Variants in RBFOX1 observed in about 807,000 individuals in gnomAD.
RBFOX1 encodes the protein RNA binding protein fox-1 homolog 1.
In RBFOX1, 8 loss-of-function variants were observed where a neutral mutation model predicts 57.7. The ratio of observed to expected loss-of-function variants is 0.14; its 90% CI spans 0.08 to 0.25. RBFOX1 has a LOEUF of 0.25. Among genes scored for constraint, RBFOX1 ranks in the 10% least tolerant of loss-of-function variants. RBFOX1 has a pLI of 1.00. For missense variants in RBFOX1, 611 were observed against 548.5 expected (o/e 1.11, Z -1.14); for synonymous variants, 326 against 222.4 (o/e 1.47, Z -4.15).
intron 14 of RBFOX1, among the ~76,000 whole-genome samples, chr16:7,681,598 G>A (rs748245329): frequency 7.9e-5 from 12 of 152,110 alleles, no homozygotes; most frequent in Non-Finnish European, 1.5e-4. Context: ...TTAAGGAATT[G>A]TCAGCATATA....
intron 3 of RBFOX1, among the ~76,000 whole-genome samples, chr16:6,657,272 T>A (rs144301736): frequency 2.6e-5 from 4 of 152,246 alleles, no homozygotes; most frequent in Non-Finnish European, 4.4e-5. Flanking sequence ...GTGAATCTTA[T>A]ACTCACGCTA....
intron 3 of RBFOX1, among the ~76,000 whole-genome samples, chr16:5,619,951 A>G (rs1395731747): frequency 6.6e-6 from 1 of 151,720 alleles, no homozygotes; most frequent in African/African-American, 2.4e-5. Flanking sequence ...TGTTTTATTA[A>G]ATCTCTGTGC....
intron 2 of RBFOX1, among the ~76,000 whole-genome samples, chr16:6,516,624 T>C (rs1318280938): frequency 2.0e-5 from 3 of 152,224 alleles, no homozygotes; most frequent in Non-Finnish European, 2.9e-5. Flanking sequence ...AAAAATACTT[T>C]TTTATTGAAT....
intron 2 of RBFOX1, among the ~76,000 whole-genome samples, chr16:5,574,326 A>G (rs749873199): frequency 6.6e-6 from 1 of 152,132 alleles, no homozygotes; most frequent in South Asian, 2.1e-4. Context: ...GTAGCCTCCT[A>G]ACTCTCTGTA....
intron 4 of RBFOX1, among the ~76,000 whole-genome samples, chr16:7,170,940 A>T (rs2080567649): frequency 6.6e-6 from 1 of 152,096 alleles, no homozygotes; most frequent in African/African-American, 2.4e-5. Flanking sequence ...TTATGACTTT[A>T]TTTGTATATC....
intron 4 of RBFOX1, among the ~76,000 whole-genome samples, chr16:7,302,800 C>G (rs560182587): frequency 2.1e-5 from 3 of 145,620 alleles, no homozygotes; most frequent in African/African-American, 7.6e-5. Flanking sequence ...TATTTTCTTT[C>G]GATTTGCAGA....
At chr16:5,973,606 A>T (rs749018620) in intron 4 of RBFOX1, among the ~76,000 whole-genome samples, 1 of 152,228 alleles carries the variant, frequency 6.6e-6, no homozygotes, top group South Asian at 2.1e-4. Context: ...TGACTAGGCC[A>T]TGGGGTGCCC....
At chr16:7,584,468 T>A (rs1181490591) in intron 6 of RBFOX1, among the ~76,000 whole-genome samples, 1 of 152,136 alleles carries the variant, frequency 6.6e-6, no homozygotes, top group Non-Finnish European at 1.5e-5. Flanking sequence ...AATTTTTACA[T>A]TTTTAGTAGA....
chr16:7,006,616 G>T (rs1262028384), intron 3 of RBFOX1, among the ~76,000 whole-genome samples: 1 of 151,984 alleles, frequency 6.6e-6, no homozygotes, highest in Non-Finnish European at 1.5e-5. Flanking sequence ...CACCTGGCTT[G>T]GTTTCGGGTT....
At chr16:6,614,672 T>C (rs952499382) in intron 2 of RBFOX1, among the ~76,000 whole-genome samples, 1 of 152,158 alleles carries the variant, frequency 6.6e-6, no homozygotes, top group Non-Finnish European at 1.5e-5. Context: ...CCTAGTGATT[T>C]GCCCCACAGT....
intron 3 of RBFOX1, among the ~76,000 whole-genome samples, chr16:6,768,598 T>C (rs1411109385): frequency 6.6e-6 from 1 of 151,858 alleles, no homozygotes. Flanking sequence ...TAAATACACA[T>C]CTACAAACAT....
intron 3 of RBFOX1, among the ~76,000 whole-genome samples, chr16:5,669,065 T>C (rs2049937662): frequency 6.6e-6 from 1 of 152,172 alleles, no homozygotes; most frequent in African/African-American, 2.4e-5. Context: ...GGCACTTGGA[T>C]AGCACCCCAA....
chr16:7,029,422 CTT>C (rs1238680349), intron 3 of RBFOX1, among the ~76,000 whole-genome samples: 1 of 151,498 alleles, frequency 6.6e-6, no homozygotes, highest in Admixed American at 6.6e-5. Context: ...TTCTTTTGCT[CTT>C]GTCTTCTCTG....
At chr16:6,013,877 C>G (rs777901195) in intron 4 of RBFOX1, among the ~76,000 whole-genome samples, 49 of 150,930 alleles carry the variant, frequency 3.2e-4, no homozygotes, top group African/African-American at 1.0e-3. Context: ...AAAACAAACA[C>G]CGCATGTTTT....
At chr16:6,995,290 TTGTG>T (rs57039390) in intron 3 of RBFOX1, among the ~76,000 whole-genome samples, 1,774 of 138,384 alleles carry the variant, frequency 0.013, 16 homozygotes, top group East Asian at 0.039. Flanking sequence ...GAAAGTAGCC[TTGTG>T]TGTGTGTGTG....
At chr16:5,672,329 C>T (rs541928084) in intron 3 of RBFOX1, among the ~76,000 whole-genome samples, 2 of 152,130 alleles carry the variant, frequency 1.3e-5, no homozygotes, top group Admixed American at 6.5e-5. Flanking sequence ...TGCCATGTGT[C>T]AGGAGGGCTC....
intron 2 of RBFOX1, among the ~76,000 whole-genome samples, chr16:5,545,008 G>A (rs141326620): frequency 0.02 from 2,631 of 132,098 alleles, 52 homozygotes; most frequent in Non-Finnish European, 0.028. Context: ...ACGGAGTCTC[G>A]CTCTGTCTTC....
intron 4 of RBFOX1, among the ~76,000 whole-genome samples, chr16:7,474,674 C>G (rs978348112): frequency 3.3e-5 from 5 of 152,218 alleles, no homozygotes; most frequent in African/African-American, 9.6e-5. Context: ...ACTTGTGTAA[C>G]TCTGGGTAAG....
At chr16:5,819,512 T>C (rs1208982276) in intron 3 of RBFOX1, among the ~76,000 whole-genome samples, 1 of 152,230 alleles carries the variant, frequency 6.6e-6, no homozygotes, top group Non-Finnish European at 1.5e-5. Flanking sequence ...CTACAGAGGT[T>C]TCACTTTGCT....
Sources: allele counts gnomAD v4.1 joint callset (sites outside exome capture counted in the v4.1 genomes callset), GRCh38; gene constraint gnomAD v4.1.1; transcripts MANE v1.5; gene names NCBI Gene and HGNC (gene_info 2026-07-23, HGNC 2026-07-21).